CHIC2: variants seen among roughly 807,000 people sequenced by gnomAD.
CHIC2 encodes the protein cysteine rich hydrophobic domain 2.
In CHIC2, 14 loss-of-function variants were observed where a neutral mutation model predicts 25.9. The ratio of observed to expected loss-of-function variants is 0.54; its 90% CI spans 0.36 to 0.85. The LOEUF (loss-of-function observed/expected upper bound fraction) is 0.85. Among genes scored for constraint, CHIC2 ranks in the 40% least tolerant of loss-of-function variants. The probability of loss-of-function intolerance (pLI) is 0.01; values close to 1 mark genes in which losing one functional copy is unlikely to be tolerated. For missense variants in CHIC2, 146 were observed against 202.0 expected (o/e 0.72, Z 1.68); for synonymous variants, 70 against 72.0 (o/e 0.97, Z 0.14).
chr4:54,042,512 A>G (rs772534844), intron 3 of CHIC2, among the ~76,000 whole-genome samples: 2 of 152,236 alleles, frequency 1.3e-5, no homozygotes, highest in African/African-American at 4.8e-5. Flanking sequence ...AAAGGGTATC[A>G]AAACAAAACC....
At chr4:54,059,318 G>A (rs1717263271) in intron 1 of CHIC2, among the ~76,000 whole-genome samples, 1 of 152,120 alleles carries the variant, frequency 6.6e-6, no homozygotes. Flanking sequence ...CTTGAAGCCA[G>A]GAGTTCAAAA....
intron 3 of CHIC2, among the ~76,000 whole-genome samples, chr4:54,017,346 C>T (rs1022140985): frequency 6.6e-6 from 1 of 151,878 alleles, no homozygotes; most frequent in Non-Finnish European, 1.5e-5. Context: ...TACCAAAAAA[C>T]ACCATCTTTC....
chr4:54,014,844 CA>C (rs1383318026), intron 3 of CHIC2, among the ~76,000 whole-genome samples: 3 of 152,058 alleles, frequency 2.0e-5, no homozygotes, highest in Non-Finnish European at 4.4e-5. Flanking sequence ...TTCATGGTGC[CA>C]GGTGTTAGGA....
intron 3 of CHIC2, among the ~76,000 whole-genome samples, chr4:54,038,434 T>C (rs1320393740): frequency 6.6e-6 from 1 of 152,168 alleles, no homozygotes; most frequent in Non-Finnish European, 1.5e-5. Flanking sequence ...ATAATCTATA[T>C]GCTACGCAAA....
chr4:54,017,177 A>G (rs2110061235), intron 3 of CHIC2, among the ~76,000 whole-genome samples: 1 of 152,364 alleles, frequency 6.6e-6, no homozygotes, highest in Admixed American at 6.5e-5. Context: ...AACAGTGTCG[A>G]ACTCTACACT....
At chr4:54,058,510 AC>A (rs1330873144) in intron 1 of CHIC2, among the ~76,000 whole-genome samples, 1 of 151,446 alleles carries the variant, frequency 6.6e-6, no homozygotes, top group Non-Finnish European at 1.5e-5. Flanking sequence ...TCCCTTCCAG[AC>A]CCAATATTCT....
chr4:54,050,027 A>C (rs1337998255), intron 1 of CHIC2, among the ~76,000 whole-genome samples: 2 of 152,180 alleles, frequency 1.3e-5, no homozygotes, highest in Admixed American at 1.3e-4. Context: ...CAAGAAGATA[A>C]AAGACATAAT....
intron 3 of CHIC2, among the ~76,000 whole-genome samples, chr4:54,028,727 T>C (rs1228492157): frequency 6.6e-6 from 1 of 152,266 alleles, no homozygotes. Context: ...TTTTCCATTT[T>C]ATAGCAAAAT....
the CHIC2 span, among the ~76,000 whole-genome samples, chr4:54,080,246 T>C: frequency 6.6e-6 from 1 of 150,946 alleles, no homozygotes; most frequent in Non-Finnish European, 1.5e-5. Context: ...AATTCTACCA[T>C]TTGTGACAAT....
chr4:54,084,291 A>C, the CHIC2 span, among the ~76,000 whole-genome samples: 41 of 152,296 alleles, frequency 2.7e-4, no homozygotes, highest in African/African-American at 9.6e-4. Context: ...CTATTTCCAG[A>C]AGTTCCTCTA....
At chr4:54,046,645 G>A (rs905043672) in intron 3 of CHIC2, among the ~76,000 whole-genome samples, 7 of 152,118 alleles carry the variant, frequency 4.6e-5, no homozygotes, top group Admixed American at 6.5e-5. Flanking sequence ...TACAAAAATT[G>A]ATTCAAGATG....
chr4:54,079,874 G>C, the CHIC2 span, among the ~76,000 whole-genome samples: 1 of 151,908 alleles, frequency 6.6e-6, no homozygotes, highest in South Asian at 2.1e-4. Context: ...ATGGAGAAAG[G>C]GAACCCTTAT....
chr4:54,063,475 A>T (rs1490339960), intron 1 of CHIC2, among the ~76,000 whole-genome samples: 1 of 152,176 alleles, frequency 6.6e-6, no homozygotes, highest in African/African-American at 2.4e-5. Context: ...TACTAGTGGG[A>T]CTTTCCAAAT....
chr4:54,066,956 C>A (rs1301832342), upstream of CHIC2, among the ~76,000 whole-genome samples: 1 of 152,246 alleles, frequency 6.6e-6, no homozygotes, highest in Non-Finnish European at 1.5e-5. Context: ...TCTAAATCAT[C>A]ACATAGCTGA....
At chr4:54,043,389 C>G (rs916788786) in intron 3 of CHIC2, among the ~76,000 whole-genome samples, 10 of 149,218 alleles carry the variant, frequency 6.7e-5, no homozygotes, top group South Asian at 2.1e-4. Context: ...CCACTGCACT[C>G]CAGCCTGGGC....
intron 3 of CHIC2, among the ~76,000 whole-genome samples, chr4:54,045,092 A>T (rs1716740611): frequency 6.6e-6 from 1 of 152,226 alleles, no homozygotes; most frequent in African/African-American, 2.4e-5. Context: ...TCCCAAGACT[A>T]AACCAGGAAG....
chr4:54,027,164 T>A (rs994515306), intron 3 of CHIC2, among the ~76,000 whole-genome samples: 24 of 152,100 alleles, frequency 1.6e-4, no homozygotes, highest in African/African-American at 5.6e-4. Context: ...AATTGAAAAA[T>A]ACAGTATCTC....
chr4:54,080,954 A>G, the CHIC2 span, among the ~76,000 whole-genome samples: 68 of 72,280 alleles, frequency 9.4e-4, 1 homozygote, highest in South Asian at 1.8e-3. Flanking sequence ...ATATATATAT[A>G]TATATATATA....
At chr4:54,030,466 T>G (rs1716190294) in intron 3 of CHIC2, among the ~76,000 whole-genome samples, 1 of 148,160 alleles carries the variant, frequency 6.7e-6, no homozygotes, top group South Asian at 2.1e-4. Flanking sequence ...CAGGCTGCAG[T>G]GAGCCATGAT....
Sources: allele counts gnomAD v4.1 joint callset (sites outside exome capture counted in the v4.1 genomes callset), GRCh38; gene constraint gnomAD v4.1.1; transcripts MANE v1.5; gene names NCBI Gene and HGNC (gene_info 2026-07-23, HGNC 2026-07-21).